ZNF730: variants seen among roughly 807,000 people sequenced by gnomAD.
The protein encoded by ZNF730 is zinc finger protein 730, also known as putative zinc finger protein 730.
Under a neutral mutation model 12.6 loss-of-function variants are expected in ZNF730, and 12 were observed. The ratio of observed to expected loss-of-function variants is 0.95; its 90% CI spans 0.61 to 1.54. The LOEUF (loss-of-function observed/expected upper bound fraction) is 1.54. ZNF730 is among the 40% of genes most tolerant of loss of function. The probability of loss-of-function intolerance (pLI) is 0.00; values close to 1 mark genes in which losing one functional copy is unlikely to be tolerated. For missense variants in ZNF730, 643 were observed against 583.5 expected (o/e 1.10, Z -1.05); for synonymous variants, 194 against 195.8 (o/e 0.99, Z 0.08).
intron 3 of ZNF730, among the ~76,000 whole-genome samples, chr19:23,142,129 T>C (rs868419544): frequency 1.7e-4 from 26 of 152,194 alleles, no homozygotes; most frequent in Middle Eastern, 3.2e-3. Context: ...TGAATAAATC[T>C]ATAATTTTTT....
In ZNF730 at chr19:23,133,603, A is replaced by C. The variant is rs565062573; in HGVS notation, c.4-477A>C. On this transcript the variant is annotated intron_variant, in intron 1 of 3. Coordinates refer to ENST00000597761, the MANE Select transcript of ZNF730 (RefSeq NM_001277403.2). The stretch of plus-strand genomic sequence containing the variant: ...GTGATCCGCCTGCCTCGGCCTCCCA[A>C]AGTGCTGGGATTACAGGCATGAGCC... 1.2e-3 allele frequency among the ~76,000 whole-genome samples: 183 copies of C among 152,288 alleles called. No homozygotes were observed. In the Middle Eastern group the frequency reaches 0.024, roughly 20 times the overall value.
At chr19:23,139,248 A>G (rs1215243576) in intron 3 of ZNF730, among the ~76,000 whole-genome samples, 1 of 151,940 alleles carries the variant, frequency 6.6e-6, no homozygotes, top group Non-Finnish European at 1.5e-5. Flanking sequence ...TTTTTTCTTT[A>G]TTTAGCATTG....
intron 1 of ZNF730, among the ~76,000 whole-genome samples, chr19:23,117,531 T>A (rs572187069): frequency 6.6e-6 from 1 of 152,308 alleles, no homozygotes; most frequent in East Asian, 1.9e-4. Context: ...AGAGCTTTGG[T>A]CTGTGGCGTT....
At chr19:23,108,699 A>T (rs1287739287) in intron 1 of ZNF730, among the ~76,000 whole-genome samples, 1 of 152,008 alleles carries the variant, frequency 6.6e-6, no homozygotes, top group Non-Finnish European at 1.5e-5. Context: ...GACATATTTG[A>T]CAGGCTTTTC....
chr19:23,134,312 C>CTTT, intron 2 of ZNF730, 106 bp downstream of exon 2: 5 of 865,356 alleles, frequency 5.8e-6, no homozygotes, highest in South Asian at 2.4e-5. Context: ...TTTTCTTTTT[C>CTTT]TTTTTTTTTT....
chr19:23,099,000 A>G (rs1055732920), intron 1 of ZNF730, among the ~76,000 whole-genome samples: 2 of 152,216 alleles, frequency 1.3e-5, no homozygotes, highest in African/African-American at 2.4e-5. Flanking sequence ...CTCAGATGGT[A>G]CAGAGAGTGT....
At chr19:23,087,639 G>A (rs956959035) in intron 1 of ZNF730, among the ~76,000 whole-genome samples, 5 of 140,962 alleles carry the variant, frequency 3.5e-5, no homozygotes, top group African/African-American at 5.3e-5. Flanking sequence ...TTTTTGAGAC[G>A]GAGTTTGCTC....
rs779434925 is a variant in ZNF730 at position 23,145,275 on chromosome 19, A to G, written c.231A>G (p.Ile77Met). The G allele has an allele frequency of 2.6e-6, 4 of 1,515,068 alleles. No homozygotes were observed. The highest frequency in any genetic ancestry group is 2.7e-5 in the South Asian group (2 of 73,692). 93.9% of individuals were successfully genotyped at this position (1,515,068 alleles called of 1,614,324 possible). ...TGTTATTTTTATTTCTTTCAGTTAT[A>G]TGTTCTCATATTGCCCAAGACCTTT... ...THDMVAKPPV[I>M]CSHIAQDLWP... The change falls in exon 4 of 4, where the codon ATA (isoleucine) becomes ATG (methionine). Residue 77 changes from isoleucine (I) to methionine (M), a missense_variant. By Grantham distance (10) the Ile-to-Met change is conservative (BLOSUM62 1). Transcript: ENST00000597761.
chr19:23,077,374 G>A (rs1969881565), intron 1 of ZNF730, among the ~76,000 whole-genome samples: 1 of 148,396 alleles, frequency 6.7e-6, no homozygotes, highest in South Asian at 2.1e-4. Context: ...GGGATTACAG[G>A]TGTAGGTTTT....
intron 1 of ZNF730, among the ~76,000 whole-genome samples, chr19:23,099,534 CTGTT>C (rs949852454): frequency 3.3e-5 from 5 of 152,186 alleles, no homozygotes; most frequent in African/African-American, 7.2e-5. Flanking sequence ...AAAATGGACT[CTGTT>C]TGTGGATTCT....
chr19:23,128,485 G>A (rs1970698715), intron 1 of ZNF730: 3 of 307,992 alleles, frequency 9.7e-6, no homozygotes, highest in East Asian at 6.9e-5. Flanking sequence ...TCAAAAGATC[G>A]AGTAGCTCAA....
At chr19:23,078,138 G>A (rs771360) in intron 1 of ZNF730, among the ~76,000 whole-genome samples, 65,054 of 151,956 alleles carry the variant, frequency 0.43, 15,814 homozygotes, top group African/African-American at 0.68. Flanking sequence ...AGACCTGACC[G>A]TCCCCCAGCC....
At position 23,117,087 on chromosome 19, in the gene ZNF730, C is replaced by T. The variant is rs1970538519; in HGVS notation, c.-87C>T. 1.2e-6 allele frequency: 2 copies of T among 1,603,036 alleles called. No individual in the cohort carries two copies. Among genetic ancestry groups the T allele is most frequent in the Non-Finnish European group, 1.7e-6 (2 of 1,171,704 alleles). ...GTCTGTCTGCTTTGTGTCCTCTGCA[C>T]GTAGAAGCCCAGCCTGTGTGGCCCT... On this transcript the variant is annotated 5_prime_UTR_variant, in exon 1 of 4. The change creates a new upstream start codon in the 5' untranslated region. Transcript: ENST00000597761.
Position 23,146,115 on chromosome 19 carries a change from A to G in ZNF730, c.1071A>G (p.Arg357=), listed in dbSNP as rs1388366386. The part of the protein sequence containing the change: ...KAFNRSSTLN[R]HKITHTGGKP... The stretch of plus-strand genomic sequence containing the variant: ...TTAACCGATCCTCAACCCTTAATAG[A>G]CATAAGATAACTCATACTGGAGGGA... The change falls in exon 4 of 4, where the codon AGA becomes AGG. Residue 357 remains arginine, a synonymous_variant. Coordinates refer to ENST00000597761, the MANE Select transcript of ZNF730 (RefSeq NM_001277403.2). The G allele has an allele frequency of 1.2e-6, 2 of 1,609,916 alleles. No individual in the cohort carries two copies. Among genetic ancestry groups the G allele is most frequent in the Non-Finnish European group, 1.7e-6 (2 of 1,177,830 alleles).
At chr19:23,139,339 T>C (rs957473516) in intron 3 of ZNF730, among the ~76,000 whole-genome samples, 1 of 152,146 alleles carries the variant, frequency 6.6e-6, no homozygotes, top group Non-Finnish European at 1.5e-5. Flanking sequence ...AACTTAAAAA[T>C]TATTTTTAGT....
At chr19:23,116,054 C>T (rs560489421), upstream of ZNF730, among the ~76,000 whole-genome samples, 2 of 152,300 alleles carry the variant, frequency 1.3e-5, no homozygotes, top group South Asian at 4.1e-4. Flanking sequence ...TGTGATTGGT[C>T]CTTAGTCCCC....
intron 1 of ZNF730, among the ~76,000 whole-genome samples, chr19:23,083,593 TTG>T (rs1434175325): frequency 2.0e-5 from 3 of 150,842 alleles, no homozygotes; most frequent in Non-Finnish European, 4.4e-5. Flanking sequence ...TCATTAGTGC[TTG>T]TTTTTTTTTT....
chr19:23,075,755 TC>T (rs1185839797), intron 1 of ZNF730, among the ~76,000 whole-genome samples: 1 of 152,008 alleles, frequency 6.6e-6, no homozygotes, highest in Non-Finnish European at 1.5e-5. Flanking sequence ...TTTTTTCTTT[TC>T]TTTTTAGACA....
chr19:23,135,095 C>T (rs923143001), intron 2 of ZNF730, among the ~76,000 whole-genome samples: 6 of 138,890 alleles, frequency 4.3e-5, no homozygotes, highest in African/African-American at 1.6e-4. Flanking sequence ...TGTGGAAGGC[C>T]GCAGGGTCCT....
Sources: allele counts gnomAD v4.1 joint callset (sites outside exome capture counted in the v4.1 genomes callset), GRCh38; gene constraint gnomAD v4.1.1; transcripts MANE v1.5; gene names NCBI Gene and HGNC (gene_info 2026-07-23, HGNC 2026-07-21).